Variants in AP3B1 observed in about 807,000 individuals in gnomAD.
AP3B1 encodes AP-3 complex subunit beta-1.
Under a neutral mutation model 132.5 loss-of-function variants are expected in AP3B1, and 61 were observed. The observed-to-expected ratio is 0.46, with a 90% CI of 0.37 to 0.57. The LOEUF (loss-of-function observed/expected upper bound fraction) is 0.57. AP3B1 is among the 20% of genes least tolerant of loss of function. The pLI is 0.00. For missense variants in AP3B1, 1,120 were observed against 1,289.4 expected (o/e 0.87, Z 2.01); for synonymous variants, 388 against 438.3 (o/e 0.89, Z 1.43).
At chr5:78,177,717 T>C (rs148668580) in intron 8 of AP3B1, among the ~76,000 whole-genome samples, 1 of 152,034 alleles carries the variant, frequency 6.6e-6, no homozygotes, top group African/African-American at 2.4e-5. Context: ...CGAATGAACG[T>C]GTCCTTATAA....
chr5:78,205,386 T>C (rs1019797255), intron 7 of AP3B1, among the ~76,000 whole-genome samples: 4 of 151,780 alleles, frequency 2.6e-5, no homozygotes, highest in African/African-American at 9.7e-5. Flanking sequence ...ACTAAATCAT[T>C]AAATCAATAA....
intron 2 of AP3B1, among the ~76,000 whole-genome samples, chr5:78,261,717 C>T (rs1164089723): frequency 4.0e-5 from 6 of 151,736 alleles, no homozygotes; most frequent in African/African-American, 1.2e-4. Context: ...CTGCCCACCT[C>T]GGCCTCCCAA....
At chr5:78,096,972 G>A (rs1750841337) in intron 21 of AP3B1, among the ~76,000 whole-genome samples, 1 of 144,214 alleles carries the variant, frequency 6.9e-6, no homozygotes, top group Non-Finnish European at 1.5e-5. Context: ...GAAGTGAGGA[G>A]TCCCTCTGCC....
intron 1 of AP3B1, among the ~76,000 whole-genome samples, chr5:78,268,859 A>T (rs1748438583): frequency 6.6e-6 from 1 of 152,184 alleles, no homozygotes; most frequent in Non-Finnish European, 1.5e-5. Flanking sequence ...AGACAAGAAA[A>T]ATCCTAGGCA....
chr5:78,272,817 TAA>T (rs1464966357), intron 1 of AP3B1, among the ~76,000 whole-genome samples: 1 of 152,140 alleles, frequency 6.6e-6, no homozygotes, highest in Non-Finnish European at 1.5e-5. Context: ...CAAATAACTC[TAA>T]AAGTTTTTGG....
intron 22 of AP3B1, among the ~76,000 whole-genome samples, chr5:78,054,678 C>A (rs1748732404): frequency 6.6e-6 from 1 of 152,122 alleles, no homozygotes; most frequent in Non-Finnish European, 1.5e-5. Flanking sequence ...GGGACTGTGG[C>A]CTCTAAAAGC....
At chr5:78,179,415 C>A (rs898132684) in intron 8 of AP3B1, among the ~76,000 whole-genome samples, 23 of 152,244 alleles carry the variant, frequency 1.5e-4, no homozygotes, top group African/African-American at 4.6e-4. Context: ...ACTAAATGAG[C>A]CTCTTTTTCC....
At chr5:78,039,379 T>A in intron 22 of AP3B1, 105 bp from the exon 23 acceptor site, 1 of 876,664 alleles carries the variant, frequency 1.1e-6, no homozygotes, top group Non-Finnish European at 1.9e-6. Context: ...TCCCCTACAG[T>A]ATTATATGAA....
chr5:78,050,398 T>C (rs1748529301), intron 22 of AP3B1, among the ~76,000 whole-genome samples: 1 of 152,200 alleles, frequency 6.6e-6, no homozygotes, highest in Non-Finnish European at 1.5e-5. Flanking sequence ...TTTACTATTT[T>C]AAATGATTAT....
intron 24 of AP3B1, among the ~76,000 whole-genome samples, chr5:78,030,873 C>G (rs1292221897): frequency 6.6e-6 from 1 of 152,064 alleles, no homozygotes. Flanking sequence ...GAGACAAGGT[C>G]TTGCTATGTT....
chr5:78,267,536 A>G lies in AP3B1; in HGVS notation c.188T>C (p.Met63Thr). 1 of 1,611,394 alleles carries G rather than the reference A, an allele frequency of 6.2e-7. No homozygotes were observed. Among genetic ancestry groups the G allele is most frequent in the Non-Finnish European group, 8.5e-7 (1 of 1,178,338 alleles). ...TTTACCTACCCCAACAATCCGCTTC[A>G]TAGCATCCAGTTTAGCAGAATCTTT... The part of the protein sequence containing the change: ...SNKDSAKLDA[M>T]KRIVGMIAKG... Residue 63 changes from methionine (M) to threonine (T), a missense_variant, in exon 2 of 27, where the codon ATG becomes ACG. Met to Thr is a moderately conservative substitution (Grantham distance 81). This residue lies in a region of AP3B1 where 85 missense variants were observed against 79.9 expected (regional missense o/e 1.06). Transcript: ENST00000255194.
At chr5:78,117,184 T>TTC (rs1398476539) in intron 17 of AP3B1, among the ~76,000 whole-genome samples, 6 of 151,672 alleles carry the variant, frequency 4.0e-5, no homozygotes, top group African/African-American at 1.2e-4. Flanking sequence ...TTTTTTTTTT[T>TTC]TTTTTTTTAA....
intron 7 of AP3B1, among the ~76,000 whole-genome samples, chr5:78,204,783 G>A (rs1745436953): frequency 6.6e-6 from 1 of 152,184 alleles, no homozygotes; most frequent in Admixed American, 6.6e-5. Context: ...CTGTCACTGA[G>A]GCAGAGAAGG....
intron 2 of AP3B1, among the ~76,000 whole-genome samples, chr5:78,254,038 A>G (rs59062659): frequency 0.21 from 32,543 of 151,526 alleles, 3,657 homozygotes; most frequent in Admixed American, 0.29. Flanking sequence ...CAGAAATTCT[A>G]GAGTTAAAAA....
intron 11 of AP3B1, among the ~76,000 whole-genome samples, chr5:78,172,845 G>A (rs1283741238): frequency 1.3e-5 from 2 of 152,186 alleles, no homozygotes. Flanking sequence ...TCTTTTAACT[G>A]TGATGTTAGG....
chr5:78,083,630 C>T (rs1168404991), intron 22 of AP3B1, among the ~76,000 whole-genome samples: 1 of 152,126 alleles, frequency 6.6e-6, no homozygotes, highest in African/African-American at 2.4e-5. Context: ...ATAAAATGTT[C>T]CCTCAATAGA....
At chr5:78,189,503 A>C in intron 7 of AP3B1, among the ~76,000 whole-genome samples, 1 of 152,190 alleles carries the variant, frequency 6.6e-6, no homozygotes, top group East Asian at 1.9e-4. Flanking sequence ...ATTAAAATTT[A>C]GTAATATTTC....
intron 24 of AP3B1, among the ~76,000 whole-genome samples, chr5:78,027,842 T>C (rs952191803): frequency 6.6e-6 from 1 of 152,130 alleles, no homozygotes; most frequent in African/African-American, 2.4e-5. Flanking sequence ...TTATGTTGAA[T>C]AGGCCAGGAA....
At chr5:78,097,838 C>G (rs1303100734) in intron 21 of AP3B1, among the ~76,000 whole-genome samples, 1 of 152,072 alleles carries the variant, frequency 6.6e-6, no homozygotes, top group African/African-American at 2.4e-5. Context: ...GAATAGAAAG[C>G]GGGGAAAGGT....
Sources: gnomAD v4.1 joint callset for allele counts (sites outside exome capture counted in the v4.1 genomes callset) on GRCh38, gnomAD v4.1.1 for gene constraint, gnomAD v4.1.1 regional missense constraint, MANE v1.5 for transcripts, NCBI Gene and HGNC (gene_info 2026-07-23, HGNC 2026-07-21) for gene names.